SLC27A1: variants seen among roughly 807,000 people sequenced by gnomAD.
The protein encoded by SLC27A1 is solute carrier family 27 member 1, also known as long-chain fatty acid transport protein 1.
A neutral mutation model predicts 62.2 loss-of-function variants in SLC27A1; 61 were observed. The ratio of observed to expected loss-of-function variants is 0.98; its 90% CI spans 0.80 to 1.21. The LOEUF is 1.21. Ranked by LOEUF, SLC27A1 falls within the 50% of genes most tolerant of loss-of-function variation. The pLI, the probability that SLC27A1 is intolerant of heterozygous loss-of-function variation, is 0.00. For synonymous variants in SLC27A1, 435 were observed against 408.6 expected (o/e 1.06, Z -0.78); for missense variants, 903 against 932.1 (o/e 0.97, Z 0.41).
intron 1 of SLC27A1, among the ~76,000 whole-genome samples, chr19:17,471,876 C>T (rs977516873): frequency 2.0e-5 from 3 of 152,194 alleles, no homozygotes. Context: ...AGAAGGAAGA[C>T]TCAGCCCCTA....
chr19:17,493,815 G>A (rs973817115), intron 6 of SLC27A1, among the ~76,000 whole-genome samples: 11 of 151,692 alleles, frequency 7.3e-5, no homozygotes, highest in South Asian at 2.1e-4. Flanking sequence ...TAGTAGAGAC[G>A]GGGTTTCACC....
At chr19:17,494,640 T>C (rs2075329804) in intron 6 of SLC27A1, among the ~76,000 whole-genome samples, 2 of 152,062 alleles carry the variant, frequency 1.3e-5, no homozygotes, top group South Asian at 4.2e-4. Flanking sequence ...GGTAGCCCTT[T>C]TTATCGGTGC....
At chr19:17,490,424 G>T (rs541171052) in intron 6 of SLC27A1, among the ~76,000 whole-genome samples, 54 of 152,110 alleles carry the variant, frequency 3.6e-4, no homozygotes, top group South Asian at 1.0e-3. Flanking sequence ...AAAGTGCTGG[G>T]ATTACAGGCA....
chr19:17,489,667 C>G (rs571035164), intron 6 of SLC27A1: 1 of 154,488 alleles, frequency 6.5e-6, no homozygotes, highest in African/African-American at 2.4e-5. Context: ...ATGGGAAGGG[C>G]GATGAGTCTG....
intron 1 of SLC27A1, among the ~76,000 whole-genome samples, chr19:17,482,686 G>A (rs1368139816): frequency 1.4e-5 from 2 of 145,290 alleles, no homozygotes; most frequent in African/African-American, 5.1e-5. Flanking sequence ...GGTGGGGAGA[G>A]AATGGAGCGG....
chr19:17,476,329 A>C lies in SLC27A1; in HGVS notation c.167+5622A>C, dbSNP rs555699720. ...GGCGGGCTGATCACCTGAGGTCAGGAGTTCGAGACTAGCCTGGCCAACGTG... is the reference window on the plus strand; with the variant it reads ...GGCGGGCTGATCACCTGAGGTCAGGCGTTCGAGACTAGCCTGGCCAACGTG... On this transcript the variant is annotated intron_variant, in intron 1 of 11. Transcript: ENST00000252595. 9.2e-5 allele frequency among the ~76,000 whole-genome samples: 14 copies of C among 152,242 alleles called. No homozygotes were observed. In the East Asian group the frequency reaches 2.5e-3, roughly 27 times the overall value.
intron 11 of SLC27A1, among the ~76,000 whole-genome samples, chr19:17,503,193 C>T (rs1234144579): frequency 2.6e-5 from 4 of 152,224 alleles, no homozygotes; most frequent in Admixed American, 2.0e-4. Flanking sequence ...TCCCACAACA[C>T]GTGGGAAGTA....
At chr19:17,473,310 C>T (rs2075094180) in intron 1 of SLC27A1, among the ~76,000 whole-genome samples, 2 of 152,210 alleles carry the variant, frequency 1.3e-5, no homozygotes, top group Admixed American at 6.5e-5. Context: ...TATGAGTCAT[C>T]GATCGAGATT....
chr19:17,473,953 T>C (rs775319251), intron 1 of SLC27A1, among the ~76,000 whole-genome samples: 2 of 152,158 alleles, frequency 1.3e-5, no homozygotes, highest in Non-Finnish European at 2.9e-5. Flanking sequence ...TAGAAGTTTC[T>C]TGTTTTTTTG....
Position 17,486,726 on chromosome 19 carries a change from G to T in SLC27A1, c.331G>T (p.Ala111Ser), listed in dbSNP as rs375831083. 7 of 1,612,020 alleles carry T rather than the reference G, an allele frequency of 4.3e-6. No homozygotes were observed. The highest frequency in any genetic ancestry group is 1.3e-5 in the African/African-American group (1 of 75,048). The change falls in exon 2 of 12, where the codon GCC becomes TCC. Residue 111 changes from alanine to serine, a missense_variant. Physicochemically the swap from Ala to Ser is moderately conservative, Grantham distance 99. Transcript: ENST00000252595. This position sits in a 1 kb window ranked among gnomAD's most constrained non-coding sequence, Gnocchi z 6.6. ...GECWTFAQLD[A>S]YSNAVANLFR... ...GTGCTGGACCTTTGCGCAGCTGGACGCCTACTCCAATGCGGTAGCCAACCT... is the reference window on the plus strand; with the variant it reads ...GTGCTGGACCTTTGCGCAGCTGGACTCCTACTCCAATGCGGTAGCCAACCT...
In SLC27A1 at chr19:17,486,572, T is replaced by C; in HGVS notation, c.177T>C (p.Ser59=). 2 of 1,586,828 alleles carry C rather than the reference T, an allele frequency of 1.3e-6. No homozygotes were observed. Among genetic ancestry groups the C allele is most frequent in the Non-Finnish European group, 1.7e-6 (2 of 1,174,506 alleles). The change falls in exon 2 of 12, where the codon TCT becomes TCC. Residue 59 remains serine, a synonymous_variant. Transcript: ENST00000252595. This position sits in a 1 kb window ranked among gnomAD's most constrained non-coding sequence, Gnocchi z 6.6. ...KTARRDLFGL[S]VLIRVRLELR... The stretch of plus-strand genomic sequence containing the variant: ...CCGTCCTCCCTCCCAGCGGTCTCTC[T>C]GTGCTGATCCGCGTGCGCCTGGAGC...
intron 1 of SLC27A1, among the ~76,000 whole-genome samples, chr19:17,478,845 C>T (rs2075149202): frequency 6.6e-6 from 1 of 152,010 alleles, no homozygotes; most frequent in African/African-American, 2.4e-5. Context: ...TGCACTCCAC[C>T]CTGGGCAACT....
At position 17,500,756 on chromosome 19, in the gene SLC27A1, G is replaced by A. The variant is rs746594316; in HGVS notation, c.1516G>A (p.Asp506Asn). 1 of 1,613,912 alleles carries A rather than the reference G, an allele frequency of 6.2e-7. No individual in the cohort carries two copies. The highest frequency in any genetic ancestry group is 8.5e-7 in the Non-Finnish European group (1 of 1,179,986). ...MDELGYMYFR[D>N]RSGDTFRWRG... ...TGAGCTGGGCTACATGTACTTCCGG[G>A]ACCGTAGCGGGGACACCTTCCGCTG... Residue 506 changes from aspartate to asparagine, a missense_variant, in exon 10 of 12, where the codon GAC becomes AAC. Asp to Asn is a conservative substitution (Grantham distance 23). Coordinates refer to ENST00000252595, the MANE Select transcript of SLC27A1 (RefSeq NM_198580.3).
At chr19:17,487,061 G>A (rs757349897) in intron 2 of SLC27A1, 104 bp downstream of exon 2, 30 of 1,565,632 alleles carry the variant, frequency 1.9e-5, no homozygotes, top group Admixed American at 1.4e-4. Flanking sequence ...CGCCCTGGAC[G>A]TGGGCATGAG....
chr19:17,488,763 C>A, intron 4 of SLC27A1, 85 bp from the exon 5 acceptor site: 3 of 1,250,464 alleles, frequency 2.4e-6, no homozygotes, highest in Non-Finnish European at 3.4e-6. Context: ...TTGCCTGGGT[C>A]CACATGCAGC....
intron 6 of SLC27A1, among the ~76,000 whole-genome samples, chr19:17,491,489 T>C (rs2075293578): frequency 6.6e-6 from 1 of 152,220 alleles, no homozygotes; most frequent in South Asian, 2.1e-4. Context: ...GGGCAGTGGC[T>C]CAATTCTGTC....
intron 1 of SLC27A1, among the ~76,000 whole-genome samples, chr19:17,485,868 C>T (rs1424583025): frequency 6.6e-6 from 1 of 152,148 alleles, no homozygotes; most frequent in Non-Finnish European, 1.5e-5. Flanking sequence ...CATCTAACAG[C>T]AAGTGGTGGC....
intron 4 of SLC27A1, 59 bp from the exon 5 acceptor site, chr19:17,488,789 T>G (rs973707411): frequency 1.3e-6 from 2 of 1,490,398 alleles, no homozygotes; most frequent in Non-Finnish European, 1.9e-6. Context: ...TCCCCATGCC[T>G]GTACCCTGGG....
intron 1 of SLC27A1, among the ~76,000 whole-genome samples, chr19:17,477,136 AC>A (rs1432492058): frequency 6.7e-6 from 1 of 149,738 alleles, no homozygotes; most frequent in African/African-American, 2.5e-5. Context: ...TGATCCACCC[AC>A]CTTGGCCTAC....
Sources: allele counts gnomAD v4.1 joint callset (sites outside exome capture counted in the v4.1 genomes callset), GRCh38; gene constraint gnomAD v4.1.1; non-coding constraint Gnocchi (gnomAD v3.1); transcripts MANE v1.5; gene names NCBI Gene and HGNC (gene_info 2026-07-23, HGNC 2026-07-21).